The following HDAC9 variants were observed in gnomAD, a reference collection of about 807,000 sequenced individuals.
The protein encoded by HDAC9 is histone deacetylase 9.
In HDAC9, 41 loss-of-function variants were observed where a neutral mutation model predicts 139.4. The observed-to-expected ratio is 0.29, with a 90% CI of 0.23 to 0.38. HDAC9 has a LOEUF of 0.38. Among genes scored for constraint, HDAC9 ranks in the 10% least tolerant of loss-of-function variants. The pLI is 1.00. For missense variants in HDAC9, 1,147 were observed against 1,297.0 expected, an observed-to-expected ratio of 0.88 and a Z score of 1.78; for synonymous variants, 517 against 476.2, an observed-to-expected ratio of 1.09 and a Z score of -1.12.
intron 2 of HDAC9, among the ~76,000 whole-genome samples, chr7:18,192,392 T>C (rs531676854): frequency 6.6e-6 from 1 of 152,328 alleles, no homozygotes; most frequent in South Asian, 2.1e-4. Flanking sequence ...AGGGAGTTCC[T>C]TGGGTAGATG....
At chr7:18,639,241 A>G (rs1325276118) in intron 8 of HDAC9, among the ~76,000 whole-genome samples, 1 of 152,064 alleles carries the variant, frequency 6.6e-6, no homozygotes, top group Admixed American at 6.6e-5. Context: ...CATTTGCAGT[A>G]AATGTTATGC....
chr7:18,732,896 C>T (rs554090436), intron 13 of HDAC9, among the ~76,000 whole-genome samples: 4,429 of 86,962 alleles, frequency 0.051, 867 homozygotes, highest in Non-Finnish European at 0.067. Flanking sequence ...TATGTGTACA[C>T]ACACACGTGT....
At chr7:18,733,801 C>G (rs879424203) in intron 13 of HDAC9, among the ~76,000 whole-genome samples, 1 of 151,924 alleles carries the variant, frequency 6.6e-6, no homozygotes, top group African/African-American at 2.4e-5. Context: ...AGTTTTTTGT[C>G]TGAAAAGTCT....
At chr7:18,779,185 G>A (rs1025815687) in intron 16 of HDAC9, among the ~76,000 whole-genome samples, 1 of 152,024 alleles carries the variant, frequency 6.6e-6, no homozygotes, top group African/African-American at 2.4e-5. Context: ...TCCTTCCAAT[G>A]TTGAACAAAA....
intron 2 of HDAC9, among the ~76,000 whole-genome samples, chr7:18,235,521 G>T (rs1793758504): frequency 6.6e-6 from 1 of 152,124 alleles, no homozygotes. Context: ...TGAGTGACCG[G>T]CAGTATTAGA....
chr7:18,301,076 T>G (rs1227720900), intron 1 of HDAC9, among the ~76,000 whole-genome samples: 1 of 102,804 alleles, frequency 9.7e-6, no homozygotes, highest in Non-Finnish European at 2.2e-5. Flanking sequence ...GAAAACACTG[T>G]TTTTTTTTCC....
intron 1 of HDAC9, among the ~76,000 whole-genome samples, chr7:18,134,051 T>C (rs961448692): frequency 1.3e-5 from 2 of 151,770 alleles, no homozygotes; most frequent in Admixed American, 6.6e-5. Context: ...TCAGCTTTGA[T>C]TATAATGTTC....
intron 1 of HDAC9, among the ~76,000 whole-genome samples, chr7:18,125,581 A>G (rs373642316): frequency 3.3e-5 from 5 of 152,166 alleles, no homozygotes; most frequent in African/African-American, 1.2e-4. Flanking sequence ...CTTTTGGGAC[A>G]TGTAGACAGG....
At chr7:18,602,242 G>A (rs935550029) in intron 6 of HDAC9, among the ~76,000 whole-genome samples, 25 of 152,054 alleles carry the variant, frequency 1.6e-4, no homozygotes, top group Non-Finnish European at 1.5e-4. Context: ...TCAGTATAGA[G>A]TTATTCATAA....
rs565129542 is a variant in HDAC9, at chr7:18,786,710, G to A, written c.2215-6635G>A. ...CTCACATATCCCTTTCTGTGTCCTC[G>A]GTTTCTGTTGCATGCGCCTCTTGAG... On this transcript the variant is annotated intron_variant, in intron 16 of 25. Coordinates refer to ENST00000686413, the MANE Select transcript of HDAC9 (RefSeq NM_178425.4). 4.8e-5 allele frequency among the ~76,000 whole-genome samples: 6 copies of A among 125,182 alleles called. No homozygotes were observed. The South Asian group carries it at 1.1e-3, about 23-fold the overall frequency. The allele number at this position is 125,182 out of a possible 152,430, so 82.1% of individuals were successfully genotyped here.
intron 11 of HDAC9, among the ~76,000 whole-genome samples, chr7:18,660,358 G>A (rs953553575): frequency 2.0e-5 from 3 of 152,120 alleles, no homozygotes; most frequent in African/African-American, 7.2e-5. Flanking sequence ...TTTACAAAGA[G>A]CATATTTTAT....
At chr7:18,784,430 A>G (rs969862886) in intron 16 of HDAC9, among the ~76,000 whole-genome samples, 5 of 151,872 alleles carry the variant, frequency 3.3e-5, no homozygotes, top group Non-Finnish European at 5.9e-5. Context: ...TCCTGATTCA[A>G]ATCCGAGGAG....
chr7:18,758,788 A>AT lies in HDAC9; in HGVS notation c.2044-3354dup, dbSNP rs34349667. 8.0e-3 allele frequency among the ~76,000 whole-genome samples: 1,154 copies of AT among 144,530 alleles called. 9 individuals carry two copies. Among genetic ancestry groups the AT allele is most frequent in the African/African-American group, 0.018 (715 of 39,906 alleles). 94.8% of individuals were successfully genotyped at this position (144,530 alleles called of 152,430 possible). On this transcript the variant is annotated intron_variant, in intron 14 of 25. Coordinates refer to ENST00000686413, the MANE Select transcript of HDAC9 (RefSeq NM_178425.4). ...CCAGATCCTGTCTACAGGTAGAAAC[A>AT]TTTTTTTTTTTTTTTGGTACTGAAT...
chr7:18,107,265 A>T (rs115190628), intron 1 of HDAC9, among the ~76,000 whole-genome samples: 2,150 of 152,206 alleles, frequency 0.014, 44 homozygotes, highest in African/African-American at 0.049. Context: ...CTAGACTGGG[A>T]GCTGCTTAGT....
chr7:18,649,175 A>G (rs1463162401), intron 11 of HDAC9, among the ~76,000 whole-genome samples: 1 of 152,128 alleles, frequency 6.6e-6, no homozygotes, highest in Admixed American at 6.5e-5. Context: ...AGTTTCTCGG[A>G]AACTTGTGAT....
At chr7:18,738,746 G>T (rs1335720297) in intron 13 of HDAC9, among the ~76,000 whole-genome samples, 1 of 152,152 alleles carries the variant, frequency 6.6e-6, no homozygotes, top group East Asian at 1.9e-4. Context: ...TCTTGGGGTT[G>T]CACTTCTTGA....
At chr7:18,776,112 T>G (rs970354348) in intron 16 of HDAC9, among the ~76,000 whole-genome samples, 3 of 151,988 alleles carry the variant, frequency 2.0e-5, no homozygotes, top group Non-Finnish European at 2.9e-5. Flanking sequence ...TTGGCTTTCT[T>G]TCTTTTATTT....
rs897951090 is a variant in HDAC9, at chr7:18,525,635, A to G, written c.22+29311A>G. Among the ~76,000 whole-genome samples the G allele has an allele frequency of 4.6e-5, 7 of 152,118 alleles. No individual in the cohort carries two copies. In the East Asian group the frequency reaches 7.7e-4, roughly 17 times the overall value. On this transcript the variant is annotated intron_variant, in intron 2 of 25. Coordinates refer to ENST00000686413, the MANE Select transcript of HDAC9 (RefSeq NM_178425.4). ...ATAGTCCTAGTTCCCAGTTTTTCATATATACTGTATTGTGTCTTTAAAATT... is the reference window on the plus strand; with the variant it reads ...ATAGTCCTAGTTCCCAGTTTTTCATGTATACTGTATTGTGTCTTTAAAATT...
intron 19 of HDAC9, 46 bp from the exon 20 acceptor site, chr7:18,835,412 CTCCACACAA>C: frequency 1.3e-6 from 2 of 1,541,546 alleles, no homozygotes; most frequent in Non-Finnish European, 1.8e-6. Flanking sequence ...GAAAGGTTGT[CTCCACACAA>C]AGTTAGACAT....
Sources: gnomAD v4.1 joint callset for allele counts (sites outside exome capture counted in the v4.1 genomes callset) on GRCh38, gnomAD v4.1.1 for gene constraint, MANE v1.5 for transcripts, NCBI Gene and HGNC (gene_info 2026-07-23, HGNC 2026-07-21) for gene names.